Variants in SH2D4A observed in about 807,000 individuals in gnomAD.
The protein encoded by SH2D4A is SH2 domain-containing protein 4A.
SH2D4A carries 70 observed loss-of-function variants against 64.7 expected under a neutral mutation model. The observed-to-expected ratio is 1.08, with a 90% CI of 0.89 to 1.32. The LOEUF (loss-of-function observed/expected upper bound fraction) is 1.32, where lower values mean the gene tolerates loss of function less well. Ranked by LOEUF, SH2D4A falls within the 40% of genes most tolerant of loss-of-function variation. The pLI, the probability that SH2D4A is intolerant of heterozygous loss-of-function variation, is 0.00. For synonymous variants in SH2D4A, 268 were observed against 200.7 expected (o/e 1.34, Z -2.83); for missense variants, 706 against 540.1 (o/e 1.31, Z -3.04).
intron 2 of SH2D4A, 57 bp downstream of exon 2, chr8:19,319,785 T>C: frequency 4.1e-6 from 6 of 1,470,134 alleles, no homozygotes; most frequent in Non-Finnish European, 4.5e-6. Context: ...CCTGGCTTGC[T>C]TTGACAATTT....
chr8:19,391,519 T>G, intron 8 of SH2D4A, among the ~76,000 whole-genome samples: 1 of 152,154 alleles, frequency 6.6e-6, no homozygotes, highest in Non-Finnish European at 1.5e-5. Flanking sequence ...CTGGTCTGTT[T>G]CGAGGATGTT....
chr8:19,345,301 G>A (rs149242598), intron 4 of SH2D4A, among the ~76,000 whole-genome samples: 16 of 151,524 alleles, frequency 1.1e-4, no homozygotes, highest in Admixed American at 2.6e-4. Context: ...TTGCTGAGGT[G>A]ACTTCTCAGT....
In SH2D4A at chr8:19,359,095, A is replaced by G. The variant is rs992256071; in HGVS notation, c.594+1812A>G. Among the ~76,000 whole-genome samples the G allele has an allele frequency of 3.9e-5, 6 of 152,214 alleles. No individual in the cohort carries two copies. In the East Asian group the frequency reaches 1.2e-3, roughly 29 times the overall value. Reference sequence around the variant, plus strand: ...AAAGTAAACCATTACAGATTTTGATAAAAGTAAAATTCTCTCAGAGACGCA... The same window carrying G: ...AAAGTAAACCATTACAGATTTTGATGAAAGTAAAATTCTCTCAGAGACGCA... On this transcript the variant is annotated intron_variant, in intron 5 of 9. Transcript: ENST00000265807.
At chr8:19,370,273 T>A (rs1050111673) in intron 7 of SH2D4A, among the ~76,000 whole-genome samples, 3 of 152,062 alleles carry the variant, frequency 2.0e-5, no homozygotes, top group Non-Finnish European at 4.4e-5. Context: ...GTTAGGTACA[T>A]TCTAGAGTGT....
chr8:19,339,463 G>C (rs1479606203), intron 4 of SH2D4A, among the ~76,000 whole-genome samples: 1 of 145,526 alleles, frequency 6.9e-6, no homozygotes, highest in African/African-American at 2.5e-5. Context: ...CAGATATTTA[G>C]TTAGCTCACT....
intron 4 of SH2D4A, among the ~76,000 whole-genome samples, chr8:19,355,705 G>A (rs76583582): frequency 1.7e-4 from 26 of 152,316 alleles, no homozygotes; most frequent in African/African-American, 6.3e-4. Flanking sequence ...CATCACAGAT[G>A]TTGTGTGGAG....
Position 19,330,608 on chromosome 8 carries a change from T to C in SH2D4A, c.182-2347T>C, listed in dbSNP as rs374200124. On this transcript the variant is annotated intron_variant, in intron 2 of 9. Transcript: ENST00000265807. The stretch of plus-strand genomic sequence containing the variant: ...CTCTCCCCACCTGCAGCAATGCCCC[T>C]TTTCCCTAAGAGTTCCTGCCCTGCC... 1.0e-3 allele frequency among the ~76,000 whole-genome samples: 154 copies of C among 152,246 alleles called. 2 individuals are homozygous for C. The highest frequency in any genetic ancestry group is 3.6e-3 in the African/African-American group (148 of 41,550).
chr8:19,353,695 T>TTA (rs1554481600), intron 4 of SH2D4A, among the ~76,000 whole-genome samples: 72 of 146,302 alleles, frequency 4.9e-4, no homozygotes, highest in Admixed American at 2.0e-3. Context: ...TTTTTTTTTT[T>TTA]AATAAAGGAA....
chr8:19,338,831 A>T (rs2117223575), intron 4 of SH2D4A, among the ~76,000 whole-genome samples: 1 of 152,366 alleles, frequency 6.6e-6, no homozygotes, highest in South Asian at 2.1e-4. Flanking sequence ...ACAATCTGGT[A>T]GGATTTTTTG....
At chr8:19,362,775 C>A (rs951919611) in intron 6 of SH2D4A, among the ~76,000 whole-genome samples, 2 of 151,992 alleles carry the variant, frequency 1.3e-5, no homozygotes, top group East Asian at 3.9e-4. Context: ...AAAACACAGA[C>A]ACACACATAC....
At chr8:19,345,809 T>C (rs2052604694) in intron 4 of SH2D4A, among the ~76,000 whole-genome samples, 1 of 152,210 alleles carries the variant, frequency 6.6e-6, no homozygotes, top group African/African-American at 2.4e-5. Flanking sequence ...TATATCTTCA[T>C]TAGTAAATGG....
chr8:19,343,623 G>T (rs113918885), intron 4 of SH2D4A, among the ~76,000 whole-genome samples: 1,913 of 152,320 alleles, frequency 0.013, 22 homozygotes, highest in Middle Eastern at 0.024. Context: ...TCCTTCCCCT[G>T]TGTGACCGTC....
chr8:19,335,234 G>C (rs2052428139), intron 4 of SH2D4A, among the ~76,000 whole-genome samples: 1 of 151,970 alleles, frequency 6.6e-6, no homozygotes, highest in Non-Finnish European at 1.5e-5. Context: ...CTTGCAGTGA[G>C]CCGAGATTGC....
intron 5 of SH2D4A, 27 bp from the exon 6 acceptor site, chr8:19,361,176 G>GA (rs1554482781): frequency 7.8e-7 from 1 of 1,274,594 alleles, no homozygotes; most frequent in African/African-American, 1.6e-5. Context: ...TTTTGTTTTT[G>GA]TTTTTTTTTG....
intron 5 of SH2D4A, chr8:19,360,988 C>T (rs1206404187): frequency 5.9e-6 from 2 of 338,806 alleles, no homozygotes; most frequent in African/African-American, 2.2e-5. Context: ...TCATTTGTTG[C>T]TCCTGGAGTT....
intron 8 of SH2D4A, among the ~76,000 whole-genome samples, chr8:19,383,707 C>T (rs1426381902): frequency 6.6e-6 from 1 of 151,962 alleles, no homozygotes; most frequent in African/African-American, 2.4e-5. Context: ...TTACAGTCTT[C>T]ACAGCTTCTT....
Position 19,334,870 on chromosome 8 carries a change from T to G in SH2D4A, c.513+13T>G, listed in dbSNP as rs1209299251. The G allele has an allele frequency of 1.3e-6, 2 of 1,597,108 alleles. No homozygotes were observed. The highest frequency in any genetic ancestry group is 1.4e-5 in the African/African-American group (1 of 73,872). On this transcript the variant is annotated intron_variant, in intron 4 of 9. Transcript: ENST00000265807. Reference sequence around the variant, plus strand: ...AGAGAAAATCCGAGTGAGTCCTTACTGTCTGTAGACGTGCGGAATTTCATC... The same window carrying G: ...AGAGAAAATCCGAGTGAGTCCTTACGGTCTGTAGACGTGCGGAATTTCATC...
intron 2 of SH2D4A, among the ~76,000 whole-genome samples, chr8:19,325,668 C>G (rs2052267081): frequency 6.6e-6 from 1 of 152,224 alleles, no homozygotes; most frequent in African/African-American, 2.4e-5. Context: ...TCTCTCGTTT[C>G]TATACTGCCC....
chr8:19,313,841 G>T lies in SH2D4A; in HGVS notation c.-205+18G>T, dbSNP rs376645036. ...CAGCACTGGTAGGTGCTGGGGGTGG[G>T]GCGAGGCTTTGGGGAGAGTGTGCGT... On this transcript the variant is annotated intron_variant, in intron 1 of 9. Coordinates refer to ENST00000265807, the MANE Select transcript of SH2D4A (RefSeq NM_022071.4). 3.4e-6 allele frequency: 5 copies of T among 1,475,742 alleles called. No homozygotes were observed. The highest frequency in any genetic ancestry group is 4.5e-6 in the Non-Finnish European group (5 of 1,119,528). 91.4% of individuals were successfully genotyped at this position (1,475,742 alleles called of 1,614,324 possible). A position where few individuals can be genotyped will look rare whatever the true frequency, so the allele number is the denominator to read the frequency against.
Sources: allele counts gnomAD v4.1 joint callset (sites outside exome capture counted in the v4.1 genomes callset), GRCh38; gene constraint gnomAD v4.1.1; transcripts MANE v1.5; gene names NCBI Gene and HGNC (gene_info 2026-07-23, HGNC 2026-07-21).